GSR: variants seen among roughly 807,000 people sequenced by gnomAD.
GSR encodes the protein glutathione reductase, mitochondrial.
Under a neutral mutation model 56.5 loss-of-function variants are expected in GSR, and 48 were observed. The observed-to-expected ratio is 0.85, with a 90% CI of 0.67 to 1.08. The LOEUF is 1.08. GSR is among the 50% of genes least tolerant of loss of function. GSR has a pLI of 0.00. For missense variants in GSR, 694 were observed against 703.3 expected, an observed-to-expected ratio of 0.99 and a Z score of 0.15; for synonymous variants, 264 against 270.8, an observed-to-expected ratio of 0.97 and a Z score of 0.25.
intron 2 of GSR, among the ~76,000 whole-genome samples, chr8:30,710,387 A>C (rs1804087537): frequency 6.6e-6 from 1 of 151,566 alleles, no homozygotes; most frequent in Non-Finnish European, 1.5e-5. Flanking sequence ...TTTTTTAAAG[A>C]GATAAGGGGA....
chr8:30,700,072 T>C lies in GSR; in HGVS notation c.695+9A>G, dbSNP rs766252759. ...AATGAGTCACTGAGGTCAGGTCAGG[T>C]TGGCTTACCCGGGCAATTCTTCCAG... On this transcript the variant is annotated intron_variant, in intron 6 of 12. Transcript: ENST00000221130. 5 of 1,606,158 alleles carry C rather than the reference T, an allele frequency of 3.1e-6. No homozygotes were observed. The Admixed American group carries it at 8.3e-5, about 27-fold the overall frequency.
chr8:30,708,976 A>G (rs1274123868), intron 3 of GSR, among the ~76,000 whole-genome samples: 1 of 150,806 alleles, frequency 6.6e-6, no homozygotes, highest in Non-Finnish European at 1.5e-5. Flanking sequence ...AAAAAAAAAA[A>G]GGTAAAAACA....
At chr8:30,679,721 T>G (rs979231786) in intron 12 of GSR, 52 bp from the exon 13 acceptor site, 5 of 1,317,620 alleles carry the variant, frequency 3.8e-6, no homozygotes, top group Admixed American at 1.8e-5. Context: ...TTTTTTTTTT[T>G]TGAGACGGAG....
intron 5 of GSR, 147 bp from the exon 6 acceptor site, chr8:30,700,282 C>T (rs1278235409): frequency 1.4e-6 from 1 of 704,704 alleles, no homozygotes; most frequent in African/African-American, 1.7e-5. Flanking sequence ...GCTTGGAAAG[C>T]TGCCAACCAA....
rs1198764224 is a variant in GSR, at chr8:30,696,432, C to T, written c.743G>A (p.Gly248Glu). The change falls in exon 7 of 13, where the codon GGG becomes GAG. Residue 248 changes from glycine to glutamate, a missense_variant. Transcript: ENST00000221130. ...GAGYIAVEMAGILSALGSKTS... is the reference protein window; with the variant it reads ...GAGYIAVEMAEILSALGSKTS... ...CTTAGAACCCAGGGCTGACAGGATC[C>T]CTGCCATCTCCACAGCAATGTAACC... The T allele has an allele frequency of 1.2e-6, 2 of 1,613,618 alleles. No individual in the cohort carries two copies. Among genetic ancestry groups the T allele is most frequent in the Non-Finnish European group, 1.7e-6 (2 of 1,179,542 alleles).
chr8:30,725,756 C>T (rs1428249278), intron 1 of GSR, among the ~76,000 whole-genome samples: 4 of 150,904 alleles, frequency 2.7e-5, no homozygotes, highest in Non-Finnish European at 5.9e-5. Flanking sequence ...GTGGCATGCA[C>T]CTGCATTCCC....
intron 6 of GSR, among the ~76,000 whole-genome samples, chr8:30,697,016 T>C (rs1803565087): frequency 1.4e-5 from 2 of 141,000 alleles, no homozygotes; most frequent in South Asian, 4.3e-4. Flanking sequence ...TCTATTAATC[T>C]TTTTTTTTTT....
At chr8:30,685,317 C>T (rs1437267255) in intron 9 of GSR, among the ~76,000 whole-genome samples, 1 of 152,092 alleles carries the variant, frequency 6.6e-6, no homozygotes, top group Non-Finnish European at 1.5e-5. Flanking sequence ...CCTCAAACTT[C>T]TGGCCTCAAG....
At chr8:30,698,470 C>A (rs1408667723) in intron 6 of GSR, among the ~76,000 whole-genome samples, 2 of 152,190 alleles carry the variant, frequency 1.3e-5, no homozygotes, top group Non-Finnish European at 2.9e-5. Context: ...GGAAGGAAGG[C>A]TGTTCTCTAA....
chr8:30,709,314 ATG>A (rs1325744833), intron 3 of GSR, among the ~76,000 whole-genome samples: 2 of 152,024 alleles, frequency 1.3e-5, no homozygotes, highest in Non-Finnish European at 2.9e-5. Flanking sequence ...GCAGTGAGCT[ATG>A]ATTGCACCAC....
At chr8:30,693,540 T>A (rs886848583) in intron 7 of GSR, among the ~76,000 whole-genome samples, 7 of 142,598 alleles carry the variant, frequency 4.9e-5, no homozygotes, top group Non-Finnish European at 7.9e-5. Flanking sequence ...TTTATTTTTA[T>A]TTTTTTGAGA....
chr8:30,712,994 A>G (rs925329340), intron 1 of GSR, among the ~76,000 whole-genome samples: 11 of 152,222 alleles, frequency 7.2e-5, no homozygotes, highest in Non-Finnish European at 2.9e-5. Context: ...ATATATAGAA[A>G]TACACTTATG....
intron 8 of GSR, among the ~76,000 whole-genome samples, chr8:30,690,467 G>A (rs575213974): frequency 5.3e-5 from 8 of 152,170 alleles, no homozygotes; most frequent in African/African-American, 1.9e-4. Context: ...TGGGATCTCT[G>A]TATATTCTTA....
At chr8:30,690,649 G>T (rs1803349156) in intron 8 of GSR, among the ~76,000 whole-genome samples, 1 of 152,138 alleles carries the variant, frequency 6.6e-6, no homozygotes, top group Non-Finnish European at 1.5e-5. Flanking sequence ...GTGGGGGAAG[G>T]GAAGATCATT....
intron 7 of GSR, 137 bp from the exon 8 acceptor site, chr8:30,693,192 G>A: frequency 1.4e-6 from 1 of 696,760 alleles, no homozygotes; most frequent in South Asian, 1.5e-5. Context: ...ATTGGGAGTG[G>A]AGTATTAATA....
intron 1 of GSR, among the ~76,000 whole-genome samples, chr8:30,724,735 C>T (rs562150768): frequency 3.9e-5 from 6 of 151,980 alleles, no homozygotes; most frequent in South Asian, 2.1e-4. Flanking sequence ...GGAGTTTCAC[C>T]GTGTTGGCCA....
At chr8:30,686,841 GT>G (rs1210213575) in intron 9 of GSR, among the ~76,000 whole-genome samples, 44 of 144,228 alleles carry the variant, frequency 3.1e-4, no homozygotes, top group Admixed American at 4.2e-4. Context: ...TTTTTTTTTG[GT>G]TTTTTTTTTT....
intron 9 of GSR, among the ~76,000 whole-genome samples, chr8:30,685,239 C>T (rs1199733705): frequency 6.6e-6 from 1 of 152,054 alleles, no homozygotes; most frequent in South Asian, 2.1e-4. Flanking sequence ...GGATTACAGG[C>T]GTGAACCACC....
At chr8:30,681,102 G>A (rs1189446008) in intron 11 of GSR, 65 bp from the exon 12 acceptor site, 3 of 1,335,116 alleles carry the variant, frequency 2.2e-6, no homozygotes, top group African/African-American at 2.9e-5. Context: ...CTATCAAAGA[G>A]GGAGATGACC....
Sources: gnomAD v4.1 joint callset for allele counts (sites outside exome capture counted in the v4.1 genomes callset) on GRCh38, gnomAD v4.1.1 for gene constraint, MANE v1.5 for transcripts, NCBI Gene and HGNC (gene_info 2026-07-23, HGNC 2026-07-21) for gene names.